Variants in HMCN2 observed in about 807,000 individuals in gnomAD.
HMCN2 encodes hemicentin 2, also known as hemicentin-2.
HMCN2 carries 325 observed loss-of-function variants against 377.5 expected under a neutral mutation model. The observed-to-expected ratio is 0.86, with a 90% CI of 0.79 to 0.94. The LOEUF (loss-of-function observed/expected upper bound fraction) is 0.94. Ranked by LOEUF, HMCN2 falls within the 40% of genes least tolerant of loss-of-function variation. HMCN2 has a pLI of 0.00. For missense variants in HMCN2, 4,543 were observed against 4,725.3 expected (o/e 0.96, Z 1.13); for synonymous variants, 2,007 against 2,046.8 (o/e 0.98, Z 0.53).
intron 22 of HMCN2, among the ~76,000 whole-genome samples, chr9:130,332,926 C>A (rs1838503729): frequency 6.6e-6 from 1 of 152,152 alleles, no homozygotes; most frequent in Admixed American, 6.5e-5. Flanking sequence ...CGGCCCTGCT[C>A]CTGGATGCTT....
intron 75 of HMCN2, among the ~76,000 whole-genome samples, chr9:130,399,050 C>T (rs914620555): frequency 6.6e-6 from 1 of 151,804 alleles, no homozygotes; most frequent in Non-Finnish European, 1.5e-5. Flanking sequence ...GCCAGGAGTT[C>T]AAGACCAGAC....
In HMCN2 at chr9:130,362,907, G is replaced by C; in HGVS notation, c.6149G>C (p.Arg2050Pro). The stretch of plus-strand genomic sequence containing the variant: ...CGGGTCCTCACCTTGGCTAGTGCCC[G>C]GGCCTCCGACTCTGGGAGGTACTCC... Reference protein sequence around the residue: ...GGRVLTLASARASDSGRYSCV... With the variant: ...GGRVLTLASAPASDSGRYSCV... The change falls in exon 40 of 98, where the codon CGG becomes CCG. Residue 2050 changes from arginine to proline, a missense_variant. Arg to Pro is a moderately radical substitution (Grantham distance 103, BLOSUM62 -2). Coordinates refer to ENST00000683500, the MANE Select transcript of HMCN2 (RefSeq NM_001291815.2). The C allele has an allele frequency of 1.0e-6, 1 of 985,956 alleles. No homozygotes were observed. Among genetic ancestry groups the C allele is most frequent in the Non-Finnish European group, 1.2e-6 (1 of 829,968 alleles). 61.1% of individuals were successfully genotyped at this position (985,956 alleles called of 1,614,324 possible).
At position 130,433,782 on chromosome 9, in the gene HMCN2, C is replaced by A; in HGVS notation, c.*89C>A. On this transcript the variant is annotated 3_prime_UTR_variant, in exon 98 of 98. Transcript: ENST00000683500. ...GGTCCACGCCACCTGCTGTGGCAAG[C>A]GGAGCGTCATCGTCTCCCGCCCCGT... 2 of 1,092,660 alleles carry A rather than the reference C, an allele frequency of 1.8e-6. No homozygotes were observed. The highest frequency in any genetic ancestry group is 1.2e-6 in the Non-Finnish European group (1 of 805,636). 67.7% of individuals were successfully genotyped at this position (1,092,660 alleles called of 1,614,324 possible). A position where few individuals can be genotyped will look rare whatever the true frequency, so the allele number is the denominator to read the frequency against.
At chr9:130,310,883 C>T (rs1278134273) in intron 15 of HMCN2, among the ~76,000 whole-genome samples, 1 of 152,226 alleles carries the variant, frequency 6.6e-6, no homozygotes, top group Non-Finnish European at 1.5e-5. Flanking sequence ...TACTACTCCC[C>T]TCCTTGGGTT....
In HMCN2 at chr9:130,361,282, A is replaced by G. The variant is rs1840374338; in HGVS notation, c.5950+678A>G. On this transcript the variant is annotated intron_variant, in intron 38 of 97. Transcript: ENST00000683500. This position sits in a 1 kb window ranked among gnomAD's most constrained non-coding sequence, Gnocchi z 4.8. ...GAACATGAGGTGCAACGGAGCACCT[A>G]TAACAGGGCACTGACTTGGCCTGTG... Among the ~76,000 whole-genome samples, 1 of 152,244 alleles carries G rather than the reference A, an allele frequency of 6.6e-6. No individual in the cohort carries two copies. The highest frequency in any genetic ancestry group is 2.4e-5 in the African/African-American group (1 of 41,476).
At position 130,433,362 on chromosome 9, in the gene HMCN2, G is replaced by T; in HGVS notation, c.14909G>T (p.Arg4970Leu). 6 of 1,462,248 alleles carry T rather than the reference G, an allele frequency of 4.1e-6. No individual in the cohort carries two copies. The highest frequency in any genetic ancestry group is 3.0e-5 in the East Asian group (1 of 33,726). 90.6% of individuals were successfully genotyped at this position (1,462,248 alleles called of 1,614,324 possible). A position where few individuals can be genotyped will look rare whatever the true frequency, so the allele number is the denominator to read the frequency against. The change falls in exon 98 of 98, where the codon CGC becomes CTC. Residue 4970 changes from arginine (R) to leucine (L), a missense_variant. Physicochemically the swap from Arg to Leu is moderately radical, Grantham distance 102. Coordinates refer to ENST00000683500, the MANE Select transcript of HMCN2 (RefSeq NM_001291815.2). ...GCCGCCCGCAGGACGTGCTTCCGGC[G>T]CTGCTCGCAGGACTGCGGCACGGGC... ...QGPSPGTCFR[R>L]CSQDCGTGGP...
chr9:130,301,956 G>A (rs150981422), intron 8 of HMCN2, among the ~76,000 whole-genome samples: 2,243 of 152,310 alleles, frequency 0.015, 41 homozygotes, highest in African/African-American at 0.037. Flanking sequence ...GGTCCCATGG[G>A]GCTCATTACA....
intron 1 of HMCN2, among the ~76,000 whole-genome samples, chr9:130,277,761 CAT>C (rs1834786753): frequency 7.7e-6 from 1 of 129,370 alleles, no homozygotes; most frequent in Non-Finnish European, 1.7e-5. Flanking sequence ...CCATCATCAT[CAT>C]CACCACCACC....
At chr9:130,406,193 G>A (rs952059469) in intron 82 of HMCN2, 25 bp downstream of exon 82, 8 of 1,288,436 alleles carry the variant, frequency 6.2e-6, no homozygotes, top group South Asian at 2.5e-5. Flanking sequence ...GGCATGGGTG[G>A]GACAGAGAGC....
intron 87 of HMCN2, among the ~76,000 whole-genome samples, chr9:130,424,429 G>A (rs1415726192): frequency 2.0e-5 from 3 of 150,614 alleles, no homozygotes; most frequent in Non-Finnish European, 4.4e-5. Context: ...CTCGTGATCT[G>A]ACTGCCTCGG....
intron 37 of HMCN2, among the ~76,000 whole-genome samples, 156 bp downstream of exon 37, chr9:130,359,570 A>T (rs1840247553): frequency 6.6e-6 from 1 of 152,178 alleles, no homozygotes; most frequent in African/African-American, 2.4e-5. Flanking sequence ...TTCCTCTTCA[A>T]CAATGTCCTT....
chr9:130,398,174 A>AAAAAG, intron 74 of HMCN2, among the ~76,000 whole-genome samples: 2 of 151,260 alleles, frequency 1.3e-5, no homozygotes, highest in African/African-American at 2.4e-5. Context: ...AAAAAAAAAA[A>AAAAAG]AAAAGTAAAA....
At chr9:130,427,232 C>A in intron 90 of HMCN2, 81 bp from the exon 91 acceptor site, 1 of 1,413,808 alleles carries the variant, frequency 7.1e-7, no homozygotes, top group South Asian at 1.2e-5. Context: ...AGTGGGGGAG[C>A]TGTGAGCCTG....
At chr9:130,413,419 T>A (rs2131762684) in intron 85 of HMCN2, among the ~76,000 whole-genome samples, 1 of 152,304 alleles carries the variant, frequency 6.6e-6, no homozygotes, top group South Asian at 2.1e-4. Flanking sequence ...CTGAGGAAGT[T>A]CCCCTTTTGT....
chr9:130,424,763 C>G lies in HMCN2; in HGVS notation c.13382-13C>G. The G allele has an allele frequency of 6.5e-7, 1 of 1,529,690 alleles. No homozygotes were observed. Among genetic ancestry groups the G allele is most frequent in the East Asian group, 2.5e-5 (1 of 40,508 alleles). 94.8% of individuals were successfully genotyped at this position (1,529,690 alleles called of 1,614,324 possible). On this transcript the variant is annotated splice_polypyrimidine_tract_variant and intron_variant, in intron 87 of 97. Coordinates refer to ENST00000683500, the MANE Select transcript of HMCN2 (RefSeq NM_001291815.2). ...TCAGCTCTAACCCGGCCTCTATGCC[C>G]TGCCCCACCCAGGGCCTCTGATGCG...
chr9:130,359,509 A>G (rs1840241026), intron 37 of HMCN2, 95 bp downstream of exon 37: 5 of 481,292 alleles, frequency 1.0e-5, no homozygotes, highest in Non-Finnish European at 1.8e-5. Flanking sequence ...ATTGGACATA[A>G]TGGGGAGAAA....
At chr9:130,432,664 G>A in intron 97 of HMCN2, 109 bp downstream of exon 97, 1 of 1,238,278 alleles carries the variant, frequency 8.1e-7, no homozygotes, top group Non-Finnish European at 1.1e-6. Flanking sequence ...AGTGATGCAG[G>A]CAGGAACGCA....
At chr9:130,295,624 A>G (rs755807413) in intron 5 of HMCN2, 42 bp from the exon 6 acceptor site, 3 of 455,306 alleles carry the variant, frequency 6.6e-6, no homozygotes, top group Non-Finnish European at 1.4e-5. Flanking sequence ...TGCCACCCCC[A>G]GCAAAGGGTT....
At chr9:130,350,755 G>A (rs1839669203) in intron 29 of HMCN2, among the ~76,000 whole-genome samples, 1 of 150,958 alleles carries the variant, frequency 6.6e-6, no homozygotes, top group African/African-American at 2.4e-5. Context: ...ATATATACGG[G>A]CATGGTGGCG....
Sources: allele counts gnomAD v4.1 joint callset (sites outside exome capture counted in the v4.1 genomes callset), GRCh38; gene constraint gnomAD v4.1.1; non-coding constraint Gnocchi (gnomAD v3.1); transcripts MANE v1.5; gene names NCBI Gene and HGNC (gene_info 2026-07-23, HGNC 2026-07-21).